Variants in MYH11 observed in about 807,000 individuals in gnomAD.
The protein encoded by MYH11 is myosin heavy chain 11, also known as myosin-11.
In MYH11, 80 loss-of-function variants were observed where a neutral mutation model predicts 246.6. The observed-to-expected ratio is 0.32, with a 90% CI of 0.27 to 0.39. MYH11 has a LOEUF of 0.39. MYH11 is among the 10% of genes least tolerant of loss of function. The probability of loss-of-function intolerance (pLI) is 1.00; values close to 1 mark genes in which losing one functional copy is unlikely to be tolerated. For synonymous variants in MYH11, 1,071 were observed against 1,015.5 expected (o/e 1.05, Z -1.04); for missense variants, 2,158 against 2,546.8 (o/e 0.85, Z 3.29).
intron 1 of MYH11, among the ~76,000 whole-genome samples, chr16:15,855,976 C>G (rs927402615): frequency 6.6e-6 from 1 of 152,072 alleles, no homozygotes; most frequent in African/African-American, 2.4e-5. Flanking sequence ...TGGATGGTAC[C>G]TTTTCTCAAG....
chr16:15,718,743 C>G, intron 36 of MYH11: 1 of 498,492 alleles, frequency 2.0e-6, no homozygotes, highest in Admixed American at 3.3e-5. Context: ...CAGCCACACC[C>G]CCAAACAGGC....
Position 15,717,203 on chromosome 16 carries a change from G to GATTTGA in MYH11, c.5440_5441insTCAAAT (p.Phe1812_Lys1813dup). ...CTTGGCCTCCAGCGCCGCGATGGTG[G>GATTTGA]ACTTGAACTTGGACTTGACGGCCCC... On this transcript the variant is annotated inframe_insertion, in exon 38 of 41. Coordinates refer to ENST00000300036, the MANE Select transcript of MYH11 (RefSeq NM_002474.3). 1.2e-6 allele frequency: 2 copies of GATTTGA among 1,614,196 alleles called. No homozygotes were observed. The highest frequency in any genetic ancestry group is 1.7e-6 in the Non-Finnish European group (2 of 1,180,036).
chr16:15,736,690 A>G (rs1567713803), intron 25 of MYH11, among the ~76,000 whole-genome samples: 1 of 152,150 alleles, frequency 6.6e-6, no homozygotes, highest in Non-Finnish European at 1.5e-5. Flanking sequence ...CAGGGGATCA[A>G]TCAGAAAGCT....
chr16:15,826,594 G>GAAAAAAAAAA lies in MYH11; in HGVS notation c.346-3184_346-3183insTTTTTTTTTT, dbSNP rs57999830. Among the ~76,000 whole-genome samples, 225 of 148,206 alleles carry GAAAAAAAAAA rather than the reference G, an allele frequency of 1.5e-3. 1 individual carries two copies. Among genetic ancestry groups the GAAAAAAAAAA allele is most frequent in the African/African-American group, 4.9e-3 (192 of 39,362 alleles). The stretch of plus-strand genomic sequence containing the variant: ...CACGGTGAGACCTTGTCTCAAAAAA[G>GAAAAAAAAAA]AAAAAGAAAGAAAAAGAGAGAGTGG... On this transcript the variant is annotated intron_variant, in intron 2 of 40. Coordinates refer to ENST00000300036, the MANE Select transcript of MYH11 (RefSeq NM_002474.3).
At chr16:15,718,531 C>G (rs997943870) in intron 36 of MYH11, 93 bp from the exon 37 acceptor site, 1 of 1,483,346 alleles carries the variant, frequency 6.7e-7, no homozygotes, top group Admixed American at 2.1e-5. Flanking sequence ...GTATTGCCCT[C>G]ATCATCTAAT....
At chr16:15,835,020 G>A (rs368577551) in intron 2 of MYH11, among the ~76,000 whole-genome samples, 3 of 148,204 alleles carry the variant, frequency 2.0e-5, no homozygotes, top group East Asian at 3.9e-4. Context: ...CTTGGAAGCT[G>A]TACTGAGCTA....
chr16:15,719,636 C>G lies in MYH11; in HGVS notation c.5031G>C (p.Glu1677Asp), dbSNP rs765569537. Residue 1677 changes from glutamate to aspartate, a missense_variant, in exon 35 of 41, where the codon GAG becomes GAC. By Grantham distance (45) the Glu-to-Asp change is conservative. Around this residue, in one of 11 missense-constraint regions of MYH11, gnomAD observed 1,013 missense variants for 993.5 expected, o/e 1.02. Transcript: ENST00000300036. The stretch of plus-strand genomic sequence containing the variant: ...CCAAGCTCTTGGCTTTCTTCTCATT[C>G]TCTTTGGCTGTGGCAAAGATCTCAT... ...SRDEIFATAK[E>D]NEKKAKSLEA... 3.1e-6 allele frequency: 5 copies of G among 1,614,218 alleles called. No homozygotes were observed. Among genetic ancestry groups the G allele is most frequent in the Non-Finnish European group, 4.2e-6 (5 of 1,180,034 alleles).
Position 15,724,779 on chromosome 16 carries a change from G to T in MYH11, c.3984C>A (p.Thr1328=). 6.2e-7 allele frequency: 1 copy of T among 1,614,008 alleles called. No homozygotes were observed. The highest frequency in any genetic ancestry group is 8.5e-7 in the Non-Finnish European group (1 of 1,180,032). Residue 1328 remains threonine (T), a synonymous_variant, in exon 30 of 41, where the codon ACC becomes ACA. Transcript: ENST00000300036. The stretch of plus-strand genomic sequence containing the variant: ...TCGTAGACACGTTGAGCTTCTGCCG[G>T]GTTTCTTCTTGAAGCAGCTCCTGCA... ...QDTQELLQEE[T]RQKLNVSTKL... is the part of the protein sequence containing the mutation.
intron 9 of MYH11, 94 bp downstream of exon 9, chr16:15,771,475 A>T: frequency 1.6e-6 from 2 of 1,214,316 alleles, no homozygotes; most frequent in Non-Finnish European, 2.3e-6. Flanking sequence ...GGGAATTCAG[A>T]GAGCAGAAAT....
At chr16:15,790,043 G>A (rs1335774811) in intron 4 of MYH11, among the ~76,000 whole-genome samples, 2 of 152,166 alleles carry the variant, frequency 1.3e-5, no homozygotes, top group African/African-American at 4.8e-5. Flanking sequence ...GGTGGCTCAC[G>A]CCTGTCATCC....
rs2151225489 is a variant in MYH11 at position 15,726,957 on chromosome 16, A to T, written c.3749T>A (p.Val1250Glu). ...CTCCAGCTTCTTCTTCTTATGTTCC[A>T]CCTCCTGCTTGGCCTGGCCCAGGAC... is the stretch of plus-strand genomic sequence containing the variant. ...LRVLGQAKQE[V>E]EHKKKKLEAQ... The change falls in exon 28 of 41, where the codon GTG becomes GAG. Residue 1250 changes from valine to glutamate, a missense_variant. Val to Glu is a moderately radical substitution (Grantham distance 121). Around this residue, in one of 11 missense-constraint regions of MYH11, gnomAD observed 1,013 missense variants for 993.5 expected, o/e 1.02. Coordinates refer to ENST00000300036, the MANE Select transcript of MYH11 (RefSeq NM_002474.3). 6.2e-7 allele frequency: 1 copy of T among 1,611,324 alleles called. No homozygotes were observed. Among genetic ancestry groups the T allele is most frequent in the Non-Finnish European group, 8.5e-7 (1 of 1,179,522 alleles).
At chr16:15,831,496 T>TAC (rs2043738887) in intron 2 of MYH11, among the ~76,000 whole-genome samples, 4 of 151,842 alleles carry the variant, frequency 2.6e-5, no homozygotes, top group Admixed American at 6.6e-5. Flanking sequence ...TGTGTGTGTG[T>TAC]GTACATACAT....
intron 27 of MYH11, among the ~76,000 whole-genome samples, chr16:15,731,892 G>T (rs62029312): frequency 0.052 from 7,940 of 152,120 alleles, 232 homozygotes; most frequent in Non-Finnish European, 0.066. Flanking sequence ...AGGCTCAAAC[G>T]ATCCTCCCAC....
intron 26 of MYH11, chr16:15,733,060 T>A (rs917065639): frequency 2.8e-6 from 1 of 361,904 alleles, no homozygotes; most frequent in East Asian, 6.3e-5. Context: ...CTAAGTTTTT[T>A]ATATACATCA....
chr16:15,771,792 C>T (rs915203041), intron 8 of MYH11, 80 bp from the exon 9 acceptor site: 3 of 1,556,760 alleles, frequency 1.9e-6, no homozygotes, highest in African/African-American at 2.7e-5. Flanking sequence ...GGTCAAGGGT[C>T]TGGGCCATCA....
intron 40 of MYH11, chr16:15,708,893 C>A: frequency 2.0e-6 from 3 of 1,529,534 alleles, no homozygotes; most frequent in South Asian, 1.2e-5. Context: ...CAAGAAGGAG[C>A]CCGGTTAAGT....
chr16:15,843,634 A>G (rs2151387369), intron 1 of MYH11, among the ~76,000 whole-genome samples: 1 of 150,830 alleles, frequency 6.6e-6, no homozygotes, highest in East Asian at 1.9e-4. Context: ...CGGAGCTTGC[A>G]GTGAGTGGGT....
chr16:15,844,627 A>C (rs1490063773), intron 1 of MYH11, among the ~76,000 whole-genome samples: 2 of 152,196 alleles, frequency 1.3e-5, no homozygotes, highest in Non-Finnish European at 2.9e-5. Context: ...AGGCCAAGGC[A>C]GGAGGATTGC....
At chr16:15,799,000 G>GA in intron 3 of MYH11, among the ~76,000 whole-genome samples, 1 of 152,298 alleles carries the variant, frequency 6.6e-6, no homozygotes, top group African/African-American at 2.4e-5. Flanking sequence ...TTAGGTTAGG[G>GA]ACCAAACGCA....
Sources: allele counts gnomAD v4.1 joint callset (sites outside exome capture counted in the v4.1 genomes callset), GRCh38; gene constraint gnomAD v4.1.1; regional missense constraint gnomAD v4.1.1; transcripts MANE v1.5; gene names NCBI Gene and HGNC (gene_info 2026-07-23, HGNC 2026-07-21).